Variants in RANBP1 observed in about 807,000 individuals in gnomAD.
The protein encoded by RANBP1 is ran-specific GTPase-activating protein.
A neutral mutation model predicts 31.4 loss-of-function variants in RANBP1; 16 were observed. That is an observed-to-expected ratio of 0.51 (90% CI 0.34 to 0.77). The LOEUF is 0.77. RANBP1 is among the 30% of genes least tolerant of loss of function. The pLI is 0.01. For missense variants in RANBP1, 265 were observed against 362.0 expected, an observed-to-expected ratio of 0.73 and a Z score of 2.17; for synonymous variants, 129 against 140.5, an observed-to-expected ratio of 0.92 and a Z score of 0.58.
intron 4 of RANBP1, chr22:20,125,675 C>T (rs2050280930): frequency 1.4e-6 from 2 of 1,391,760 alleles, no homozygotes; most frequent in South Asian, 1.5e-5. Flanking sequence ...AGTGCCCGCT[C>T]AGCCGCCTTG....
Position 20,116,116 on chromosome 22 carries a change from G to A in RANBP1, c.-69G>A, listed in dbSNP as rs765718131. On this transcript the variant is annotated 5_prime_UTR_variant, in exon 1 of 6. Coordinates refer to ENST00000430524, the MANE Select transcript of RANBP1 (RefSeq NM_001278639.2). Reference sequence around the variant, plus strand: ...CTCAGCATAGGGCACTGTCCATAGAGGGGTCACCACGTCGGCCACTCGTGT... The same window carrying A: ...CTCAGCATAGGGCACTGTCCATAGAAGGGTCACCACGTCGGCCACTCGTGT... 1.9e-6 allele frequency: 3 copies of A among 1,612,390 alleles called. No individual in the cohort carries two copies. Among genetic ancestry groups the A allele is most frequent in the South Asian group, 1.1e-5 (1 of 91,010 alleles).
chr22:20,125,468 T>C (rs577703302), intron 4 of RANBP1, 32 bp downstream of exon 4: 3 of 1,581,824 alleles, frequency 1.9e-6, no homozygotes, highest in Admixed American at 1.8e-5. Context: ...CCTGCCTGAC[T>C]TGGGGCTCAC....
In RANBP1 at chr22:20,125,087, T is replaced by G. The variant is rs1367620566; in HGVS notation, c.542-221T>G. The G allele has an allele frequency of 5.4e-6, 3 of 551,266 alleles. No homozygotes were observed. The African/African-American group carries it at 5.7e-5, about 10-fold the overall frequency. The allele number at this position is 551,266 out of a possible 1,614,324, so 34.1% of individuals were successfully genotyped here. On this transcript the variant is annotated intron_variant, in intron 3 of 5. Transcript: ENST00000430524. ...AACAGGTGCCCATTCCTATTTAGGATGGTCCTGGTTTTAAGTGAATATGGA... is the reference window on the plus strand; with the variant it reads ...AACAGGTGCCCATTCCTATTTAGGAGGGTCCTGGTTTTAAGTGAATATGGA...
intron 2 of RANBP1, among the ~76,000 whole-genome samples, chr22:20,121,476 C>T (rs561291810): frequency 2.0e-5 from 3 of 151,984 alleles, no homozygotes; most frequent in East Asian, 2.0e-4. Flanking sequence ...CTCGAACTCC[C>T]GACGTCAGGT....
chr22:20,127,141 C>A lies in RANBP1; in HGVS notation c.*89C>A, dbSNP rs956865616. 12 of 1,106,304 alleles carry A rather than the reference C, an allele frequency of 1.1e-5. No individual in the cohort carries two copies. The highest frequency in any genetic ancestry group is 1.4e-5 in the Non-Finnish European group (11 of 800,066). The allele number at this position is 1,106,304 out of a possible 1,614,324, so 68.5% of individuals were successfully genotyped here. ...CCCTCTTTTTCGGTTTGTTTTTATT[C>A]TTTCATTTTTACAAGGGACGTTATA... is the stretch of plus-strand genomic sequence containing the variant. On this transcript the variant is annotated 3_prime_UTR_variant, in exon 6 of 6. Transcript: ENST00000430524.
chr22:20,117,711 G>C, intron 1 of RANBP1: 1 of 1,121,034 alleles, frequency 8.9e-7, no homozygotes, highest in African/African-American at 1.6e-5. Context: ...CGGGGCCGGG[G>C]CCGTTATCAG....
intron 1 of RANBP1, chr22:20,116,823 A>ACCCCCCCCCCCCCCCC: frequency 7.7e-7 from 1 of 1,294,022 alleles, no homozygotes; most frequent in Non-Finnish European, 1.1e-6. Flanking sequence ...AGGTTTCCTG[A>ACCCCCCCCCCCCCCCC]CCCACCCCGC....
intron 3 of RANBP1, among the ~76,000 whole-genome samples, chr22:20,123,377 GTGTCTGGGGGTGTTGGGGTGTGTGT>G (rs1568983552): frequency 1.2e-4 from 10 of 85,442 alleles, no homozygotes; most frequent in South Asian, 9.2e-4. Context: ...GGGGTGTGTG[GTGTCTGGGGGTGTTGGGGTGTGTGT>G]TGTCTGGGGG....
intron 2 of RANBP1, among the ~76,000 whole-genome samples, chr22:20,121,555 G>GTT (rs141334911): frequency 6.5e-4 from 98 of 151,126 alleles, no homozygotes; most frequent in Middle Eastern, 3.4e-3. Context: ...GTTTTGTTTT[G>GTT]TTTTTTTTTA....
At chr22:20,117,877 G>A in intron 1 of RANBP1, 1 of 1,019,852 alleles carries the variant, frequency 9.8e-7, no homozygotes, top group Non-Finnish European at 1.2e-6. Context: ...GCTCTGCAGA[G>A]GCCTGGGGGC....
intron 2 of RANBP1, among the ~76,000 whole-genome samples, chr22:20,120,485 T>G (rs2050149474): frequency 6.6e-6 from 1 of 152,180 alleles, no homozygotes. Flanking sequence ...GCAGTAAAGC[T>G]CCAGGGGCAT....
intron 2 of RANBP1, among the ~76,000 whole-genome samples, chr22:20,121,884 G>A (rs774273167): frequency 4.3e-5 from 6 of 138,658 alleles, no homozygotes; most frequent in African/African-American, 1.4e-4. Flanking sequence ...GATTACAGGC[G>A]TGCATCACCA....
intron 1 of RANBP1, chr22:20,118,117 C>G (rs947982361): frequency 1.5e-5 from 15 of 1,000,488 alleles, no homozygotes; most frequent in African/African-American, 1.7e-5. Flanking sequence ...GCTCGCGTTC[C>G]AGCGTGGGGC....
intron 4 of RANBP1, 150 bp downstream of exon 4, chr22:20,125,586 G>A (rs2050278690): frequency 6.5e-7 from 1 of 1,527,374 alleles, no homozygotes; most frequent in Admixed American, 2.0e-5. Context: ...CTGCTGTTTG[G>A]GGGCCATGCC....
Position 20,122,384 on chromosome 22 carries a change from G to A in RANBP1, c.504G>A (p.Arg168=), listed in dbSNP as rs762914381. ...KEKGAIRLLM[R]RDKTLKICAN... The stretch of plus-strand genomic sequence containing the variant: ...AAGGGGCCATCCGCCTCCTCATGCG[G>A]AGGGACAAGACCCTGAAGATCTGTG... The change falls in exon 3 of 6, where the codon CGG becomes CGA. Residue 168 remains arginine, a synonymous_variant. Transcript: ENST00000430524. 8 of 1,612,910 alleles carry A rather than the reference G, an allele frequency of 5.0e-6. No homozygotes were observed. In the South Asian group the frequency reaches 8.8e-5, roughly 18 times the overall value.
chr22:20,117,257 G>C, intron 1 of RANBP1: 1 of 571,570 alleles, frequency 1.7e-6, no homozygotes, highest in South Asian at 3.7e-5. Context: ...TCATCGTCAC[G>C]CGCCGGATCC....
chr22:20,122,553 A>G, intron 3 of RANBP1, 132 bp downstream of exon 3: 2 of 1,560,224 alleles, frequency 1.3e-6, no homozygotes, highest in South Asian at 1.2e-5. Context: ...TGTTTGTTGA[A>G]TTTAAAACCA....
Position 20,125,571 on chromosome 22 carries a change from C to G in RANBP1, c.670+135C>G, listed in dbSNP as rs969407506. 8 of 1,530,952 alleles carry G rather than the reference C, an allele frequency of 5.2e-6. No homozygotes were observed. The African/African-American group carries it at 1.1e-4, about 21-fold the overall frequency. 94.8% of individuals were successfully genotyped at this position (1,530,952 alleles called of 1,614,324 possible). On this transcript the variant is annotated intron_variant, in intron 4 of 5. Transcript: ENST00000430524. ...TGGGAAGTGTGTCGTGTGGGCTGCC[C>G]TGCCCTGCTGTTTGGGGGCCATGCC...
At chr22:20,121,333 T>C (rs1438820304) in intron 2 of RANBP1, among the ~76,000 whole-genome samples, 1 of 152,080 alleles carries the variant, frequency 6.6e-6, no homozygotes, top group Non-Finnish European at 1.5e-5. Context: ...CGCCGCAACC[T>C]CTGCCTCCCG....
Sources: allele counts gnomAD v4.1 joint callset (sites outside exome capture counted in the v4.1 genomes callset), GRCh38; gene constraint gnomAD v4.1.1; transcripts MANE v1.5; gene names NCBI Gene and HGNC (gene_info 2026-07-23, HGNC 2026-07-21).